TAFA2: variants seen among roughly 807,000 people sequenced by gnomAD.
The protein encoded by TAFA2 is TAFA chemokine like family member 2.
Under a neutral mutation model 18.8 loss-of-function variants are expected in TAFA2, and 7 were observed. The ratio of observed to expected loss-of-function variants is 0.37; its 90% CI spans 0.21 to 0.70. The LOEUF (loss-of-function observed/expected upper bound fraction) is 0.70. TAFA2 is among the 30% of genes least tolerant of loss of function. The pLI is 0.53. For missense variants in TAFA2, 122 were observed against 158.1 expected (o/e 0.77, Z 1.23); for synonymous variants, 60 against 54.2 (o/e 1.11, Z -0.47).
rs1869273589 is a variant in TAFA2 at position 61,709,137 on chromosome 12, T to C, written c.*1269A>G. 6.6e-6 allele frequency: 1 copy of C among 152,358 alleles called. No individual in the cohort carries two copies. Among genetic ancestry groups the C allele is most frequent in the African/African-American group, 2.4e-5 (1 of 41,390 alleles). 9.4% of individuals were successfully genotyped at this position (152,358 alleles called of 1,614,324 possible). A position where few individuals can be genotyped will look rare whatever the true frequency, so the allele number is the denominator to read the frequency against. ...CATATCACAAATGAAACAAAATAAA[T>C]GTAGTACAAAATTATACATTCTATA... On this transcript the variant is annotated 3_prime_UTR_variant, in exon 5 of 5. Transcript: ENST00000416284.
At chr12:62,183,479 G>C (rs544430775) in intron 1 of TAFA2, among the ~76,000 whole-genome samples, 3 of 152,256 alleles carry the variant, frequency 2.0e-5, no homozygotes, top group Admixed American at 2.0e-4. Flanking sequence ...AACCTCCTGG[G>C]CTCAAGCAAA....
At chr12:62,002,432 G>A (rs1325029845) in intron 1 of TAFA2, among the ~76,000 whole-genome samples, 1 of 152,072 alleles carries the variant, frequency 6.6e-6, no homozygotes, top group African/African-American at 2.4e-5. Context: ...TTTGCGTAAT[G>A]GGCCTAGCTA....
intron 1 of TAFA2, among the ~76,000 whole-genome samples, chr12:61,869,557 T>C (rs1196766917): frequency 2.0e-5 from 3 of 152,166 alleles, no homozygotes; most frequent in Non-Finnish European, 2.9e-5. Flanking sequence ...GTTCAACCAA[T>C]TTAACTAGAT....
intron 1 of TAFA2, among the ~76,000 whole-genome samples, chr12:62,178,385 A>AT (rs1221624471): frequency 3.3e-5 from 5 of 152,132 alleles, no homozygotes; most frequent in African/African-American, 7.2e-5. Flanking sequence ...TTATGTTATA[A>AT]TTTTTCTTAG....
intron 1 of TAFA2, among the ~76,000 whole-genome samples, chr12:61,907,897 T>C (rs1876430882): frequency 6.6e-6 from 1 of 152,182 alleles, no homozygotes; most frequent in Non-Finnish European, 1.5e-5. Flanking sequence ...CCCTATTGAA[T>C]TTTGGGCTTG....
intron 2 of TAFA2, among the ~76,000 whole-genome samples, chr12:61,835,668 T>C (rs1055116955): frequency 1.3e-5 from 2 of 152,026 alleles, no homozygotes; most frequent in African/African-American, 4.8e-5. Context: ...ATATTGCTAT[T>C]TTTAAACTGT....
At chr12:61,712,274 T>C (rs914684357) in intron 4 of TAFA2, among the ~76,000 whole-genome samples, 1 of 152,238 alleles carries the variant, frequency 6.6e-6, no homozygotes, top group African/African-American at 2.4e-5. Flanking sequence ...TTAGTGAGTA[T>C]AATAGATGCA....
At chr12:61,909,644 A>T (rs932101436) in intron 1 of TAFA2, among the ~76,000 whole-genome samples, 1 of 152,198 alleles carries the variant, frequency 6.6e-6, no homozygotes, top group African/African-American at 2.4e-5. Context: ...GCAGTGGCAG[A>T]TGTAGTAAAG....
intron 1 of TAFA2, among the ~76,000 whole-genome samples, chr12:61,951,591 T>C (rs1377780972): frequency 6.6e-6 from 1 of 151,944 alleles, no homozygotes; most frequent in Non-Finnish European, 1.5e-5. Context: ...CAACTCTATG[T>C]CTGGAAAACA....
intron 1 of TAFA2, among the ~76,000 whole-genome samples, chr12:62,033,702 G>A (rs748745375): frequency 5.3e-5 from 8 of 151,794 alleles, no homozygotes; most frequent in Admixed American, 6.6e-5. Context: ...ATATATACAC[G>A]TTATATACCA....
intron 1 of TAFA2, among the ~76,000 whole-genome samples, chr12:61,904,713 G>T (rs1004122473): frequency 6.6e-6 from 1 of 152,016 alleles, no homozygotes; most frequent in Non-Finnish European, 1.5e-5. Context: ...GCAACTTACG[G>T]TATACATATG....
chr12:62,197,258 C>A (rs1254083926), upstream of TAFA2, among the ~76,000 whole-genome samples: 2 of 152,214 alleles, frequency 1.3e-5, no homozygotes, highest in Non-Finnish European at 2.9e-5. Flanking sequence ...TAAAGTAAGG[C>A]ACAACAAGCT....
At chr12:62,213,261 G>C (rs751599089) in intron 1 of TAFA2, among the ~76,000 whole-genome samples, 3 of 152,146 alleles carry the variant, frequency 2.0e-5, no homozygotes, top group Non-Finnish European at 2.9e-5. Flanking sequence ...AAAATCCCTA[G>C]GTGTACTCTG....
intron 1 of TAFA2, among the ~76,000 whole-genome samples, chr12:62,053,245 C>T (rs993105832): frequency 1.3e-5 from 2 of 152,160 alleles, no homozygotes; most frequent in African/African-American, 4.8e-5. Context: ...TATATTGCTA[C>T]AACCCAGAGT....
At chr12:61,891,203 T>A (rs764586218) in intron 1 of TAFA2, among the ~76,000 whole-genome samples, 4 of 151,994 alleles carry the variant, frequency 2.6e-5, no homozygotes, top group Non-Finnish European at 4.4e-5. Context: ...AAACATTAGA[T>A]AGGATGGTGA....
intron 1 of TAFA2, among the ~76,000 whole-genome samples, chr12:62,057,744 C>A (rs1004043586): frequency 6.6e-6 from 1 of 152,144 alleles, no homozygotes; most frequent in African/African-American, 2.4e-5. Context: ...CACTTTAAAT[C>A]CTTAATACTT....
At chr12:61,846,093 C>A (rs1232731252) in intron 2 of TAFA2, among the ~76,000 whole-genome samples, 1 of 151,976 alleles carries the variant, frequency 6.6e-6, no homozygotes. Flanking sequence ...GAATCCAGAC[C>A]CACTTTGAAA....
intron 2 of TAFA2, among the ~76,000 whole-genome samples, chr12:61,797,517 A>G (rs1206133165): frequency 6.6e-6 from 1 of 152,128 alleles, no homozygotes; most frequent in East Asian, 1.9e-4. Flanking sequence ...GAAGAATTAC[A>G]CAGCAAATTG....
chr12:61,952,901 A>G (rs1878519303), intron 1 of TAFA2, among the ~76,000 whole-genome samples: 2 of 152,128 alleles, frequency 1.3e-5, no homozygotes, highest in African/African-American at 2.4e-5. Context: ...CAAGTTTTTT[A>G]GATCATTTCT....
Sources: allele counts gnomAD v4.1 joint callset (sites outside exome capture counted in the v4.1 genomes callset), GRCh38; gene constraint gnomAD v4.1.1; transcripts MANE v1.5; gene names NCBI Gene and HGNC (gene_info 2026-07-23, HGNC 2026-07-21).